MIB1: variants seen among roughly 807,000 people sequenced by gnomAD.
The protein encoded by MIB1 is E3 ubiquitin-protein ligase MIB1.
A neutral mutation model predicts 124.5 loss-of-function variants in MIB1; 278 were observed. The ratio of observed to expected loss-of-function variants is 2.23; its 90% CI spans 2.02 to 2.47. MIB1 has a LOEUF of 2.47. Ranked by LOEUF, MIB1 falls within the 30% of genes most tolerant of loss-of-function variation. The pLI is 0.00. For missense variants in MIB1, 957 were observed against 1,254.4 expected, an observed-to-expected ratio of 0.76 and a Z score of 3.58; for synonymous variants, 446 against 429.4, an observed-to-expected ratio of 1.04 and a Z score of -0.48.
chr18:21,730,889 T>C (rs1002917701), intron 1 of MIB1, among the ~76,000 whole-genome samples: 3 of 152,224 alleles, frequency 2.0e-5, no homozygotes, highest in Non-Finnish European at 4.4e-5. Context: ...CTTCTCTCTC[T>C]TGTTCTTTGT....
chr18:21,787,529 G>A (rs1007021112), intron 6 of MIB1, among the ~76,000 whole-genome samples: 1 of 152,180 alleles, frequency 6.6e-6, no homozygotes. Context: ...CAAGTTGGTA[G>A]GAAGCTGGCT....
chr18:21,865,265 A>G lies in MIB1; in HGVS notation c.*599A>G, dbSNP rs1182324366. 6.6e-6 allele frequency: 1 copy of G among 152,190 alleles called. No individual in the cohort carries two copies. 9.4% of individuals were successfully genotyped at this position (152,190 alleles called of 1,614,324 possible). A position where few individuals can be genotyped will look rare whatever the true frequency, so the allele number is the denominator to read the frequency against. ...AATGGAAGCATAGAATGAGGGAATA[A>G]TGACTTTGCATTTCTCTTGTTTTCT... On this transcript the variant is annotated 3_prime_UTR_variant, in exon 21 of 21. Transcript: ENST00000261537.
intron 20 of MIB1, among the ~76,000 whole-genome samples, chr18:21,861,650 T>TAA (rs200089836): frequency 1.5e-4 from 21 of 140,744 alleles, no homozygotes; most frequent in African/African-American, 2.9e-4. Context: ...TCAAGGTTAT[T>TAA]AAAAAAAAAA....
rs368776412 is a variant in MIB1, at chr18:21,869,839, A to G, written c.*5173A>G. The G allele has an allele frequency of 6.6e-6, 1 of 152,090 alleles. No individual in the cohort carries two copies. Among genetic ancestry groups the G allele is most frequent in the African/African-American group, 2.4e-5 (1 of 41,432 alleles). The allele number at this position is 152,090 out of a possible 1,614,324, so 9.4% of individuals were successfully genotyped here. Reference sequence around the variant, plus strand: ...GTTCAAATGGATTCTGTTGTAAAAAATTATTTTTAAAGGAAATCACAAATT... The same window carrying G: ...GTTCAAATGGATTCTGTTGTAAAAAGTTATTTTTAAAGGAAATCACAAATT... On this transcript the variant is annotated 3_prime_UTR_variant, in exon 21 of 21. Transcript: ENST00000261537.
chr18:21,798,042 A>C lies in MIB1; in HGVS notation c.1093-42A>C, dbSNP rs1334742369. ...AAACTAGTGATTGACTTTATGGTAT[A>C]TACTTTAGACTTGGAAACATGAATC... On this transcript the variant is annotated intron_variant, in intron 7 of 20. Coordinates refer to ENST00000261537, the MANE Select transcript of MIB1 (RefSeq NM_020774.4). 4.4e-6 allele frequency: 7 copies of C among 1,601,566 alleles called. No homozygotes were observed. In the South Asian group the frequency reaches 5.6e-5, roughly 13 times the overall value.
At chr18:21,785,961 T>C (rs545485362) in intron 6 of MIB1, among the ~76,000 whole-genome samples, 2 of 152,364 alleles carry the variant, frequency 1.3e-5, no homozygotes, top group East Asian at 1.9e-4. Context: ...TGGTTTCTGC[T>C]GAAAGGTCTG....
rs2042347538 is a variant in MIB1 at position 21,870,483 on chromosome 18, A to C, written c.*5817A>C. The C allele has an allele frequency of 1.3e-5, 2 of 152,156 alleles. No homozygotes were observed. The highest frequency in any genetic ancestry group is 4.8e-5 in the African/African-American group (2 of 41,442). The allele number at this position is 152,156 out of a possible 1,614,324, so 9.4% of individuals were successfully genotyped here. A position where few individuals can be genotyped will look rare whatever the true frequency, so the allele number is the denominator to read the frequency against. On this transcript the variant is annotated 3_prime_UTR_variant, in exon 21 of 21. Coordinates refer to ENST00000261537, the MANE Select transcript of MIB1 (RefSeq NM_020774.4). ...ATATGAAAATAGTCTGAATAGGATAAATTTGATAGGAAGTAACTTAACCAG... is the reference window on the plus strand; with the variant it reads ...ATATGAAAATAGTCTGAATAGGATACATTTGATAGGAAGTAACTTAACCAG...
At chr18:21,766,800 A>G (rs1342909758) in intron 2 of MIB1, among the ~76,000 whole-genome samples, 2 of 152,166 alleles carry the variant, frequency 1.3e-5, no homozygotes, top group African/African-American at 4.8e-5. Flanking sequence ...CACTTTGGGA[A>G]GCCTGAGGTG....
At chr18:21,806,705 G>A (rs548205273) in intron 10 of MIB1, among the ~76,000 whole-genome samples, 54 of 151,358 alleles carry the variant, frequency 3.6e-4, no homozygotes, top group African/African-American at 1.3e-3. Context: ...CTCACTGCAA[G>A]CTCTGCCTCC....
Position 21,867,910 on chromosome 18 carries a change from G to A in MIB1, c.*3244G>A, listed in dbSNP as rs1041097196. The A allele has an allele frequency of 6.6e-6, 1 of 152,254 alleles. No homozygotes were observed. The highest frequency in any genetic ancestry group is 2.4e-5 in the African/African-American group (1 of 41,436). The allele number at this position is 152,254 out of a possible 1,614,324, so 9.4% of individuals were successfully genotyped here. The stretch of plus-strand genomic sequence containing the variant: ...GATGGGGTAGAGTAGGATCAGGACA[G>A]TGGGGTTACAACAGATAGGAAAGGA... On this transcript the variant is annotated 3_prime_UTR_variant, in exon 21 of 21. Coordinates refer to ENST00000261537, the MANE Select transcript of MIB1 (RefSeq NM_020774.4).
chr18:21,781,365 T>TTATATATATATA (rs57641355), intron 6 of MIB1, among the ~76,000 whole-genome samples: 30 of 67,236 alleles, frequency 4.5e-4, no homozygotes, highest in Middle Eastern at 6.9e-3. Flanking sequence ...TCTGTTCAAG[T>TTATATATATATA]TATATATATA....
At chr18:21,756,176 T>C (rs1736043880) in intron 1 of MIB1, among the ~76,000 whole-genome samples, 1 of 152,228 alleles carries the variant, frequency 6.6e-6, no homozygotes, top group South Asian at 2.1e-4. Context: ...GCTCCAGTCA[T>C]GTGTCAGGCA....
At position 21,741,634 on chromosome 18, in the gene MIB1, G is replaced by T. The variant is rs367983430; in HGVS notation, c.51G>T (p.Arg17=). The change falls in exon 1 of 21, where the codon CGG becomes CGT. Residue 17 remains arginine (R), a synonymous_variant. Transcript: ENST00000261537. The surrounding 1 kb of genome is among the most constrained non-coding windows in gnomAD (Gnocchi z 5.4). ...TGATGGTGGAAGGGGTTGGCGCTCG[G>T]GTAGTGCGCGGCCCGGACTGGAAGT... ...NRVMVEGVGA[R]VVRGPDWKWG... 6.2e-7 allele frequency: 1 copy of T among 1,608,778 alleles called. No individual in the cohort carries two copies. Among genetic ancestry groups the T allele is most frequent in the African/African-American group, 1.3e-5 (1 of 74,738 alleles).
At chr18:21,821,852 C>T (rs564914415) in intron 12 of MIB1, among the ~76,000 whole-genome samples, 54 of 152,126 alleles carry the variant, frequency 3.5e-4, no homozygotes, top group Admixed American at 1.0e-3. Flanking sequence ...CCGCCTGTCT[C>T]GGCCTCCCAA....
chr18:21,779,164 A>G (rs1365716523), intron 5 of MIB1, among the ~76,000 whole-genome samples: 1 of 152,212 alleles, frequency 6.6e-6, no homozygotes, highest in Non-Finnish European at 1.5e-5. Flanking sequence ...TAAGTTATCC[A>G]GGCATAAAAG....
At chr18:21,749,641 CTTTTTT>C (rs10653364) in intron 1 of MIB1, among the ~76,000 whole-genome samples, 7 of 114,564 alleles carry the variant, frequency 6.1e-5, no homozygotes, top group East Asian at 5.0e-4. Context: ...CTACCTTACT[CTTTTTT>C]TTTTTTTTTT....
intron 1 of MIB1, among the ~76,000 whole-genome samples, chr18:21,762,222 A>G (rs2041106889): frequency 6.6e-6 from 1 of 152,220 alleles, no homozygotes; most frequent in African/African-American, 2.4e-5. Flanking sequence ...GCACTTACAG[A>G]GTGTTTCAAA....
chr18:21,728,740 T>G (rs1309910599), intron 1 of MIB1, among the ~76,000 whole-genome samples: 1 of 152,202 alleles, frequency 6.6e-6, no homozygotes, highest in Non-Finnish European at 1.5e-5. Flanking sequence ...AAACAATGTG[T>G]AATTATCAAA....
intron 12 of MIB1, among the ~76,000 whole-genome samples, chr18:21,823,251 A>G (rs552771861): frequency 9.1e-4 from 135 of 148,772 alleles, no homozygotes; most frequent in Admixed American, 1.5e-3. Flanking sequence ...AAAAAAAAGA[A>G]TCAGCTGGGT....
Sources: allele counts gnomAD v4.1 joint callset (sites outside exome capture counted in the v4.1 genomes callset), GRCh38; gene constraint gnomAD v4.1.1; non-coding constraint Gnocchi (gnomAD v3.1); transcripts MANE v1.5; gene names NCBI Gene and HGNC (gene_info 2026-07-23, HGNC 2026-07-21).